The following LRRC37A2 variants were observed in gnomAD, a reference collection of about 807,000 sequenced individuals.
LRRC37A2 encodes the protein leucine rich repeat containing 37 member A2.
LRRC37A2 carries 9 observed loss-of-function variants against 68.8 expected under a neutral mutation model. The ratio of observed to expected loss-of-function variants is 0.13; its 90% CI spans 0.08 to 0.23. The LOEUF (loss-of-function observed/expected upper bound fraction) is 0.23. Ranked by LOEUF, LRRC37A2 falls within the 10% of genes least tolerant of loss-of-function variation. The probability of loss-of-function intolerance (pLI) is 1.00; values close to 1 mark genes in which losing one functional copy is unlikely to be tolerated. For missense variants in LRRC37A2, 168 were observed against 950.4 expected (o/e 0.18, Z 10.82); for synonymous variants, 63 against 367.6 (o/e 0.17, Z 9.48).
the LRRC37A2 span, chr17:46,979,319 C>G: frequency 4.7e-6 from 1 of 213,772 alleles, no homozygotes; most frequent in Non-Finnish European, 9.6e-6. Context: ...CGGCCCGGCC[C>G]CGCCCCGCCG....
chr17:46,790,789 G>A, the LRRC37A2 span, among the ~76,000 whole-genome samples: 1 of 152,196 alleles, frequency 6.6e-6, no homozygotes, highest in Non-Finnish European at 1.5e-5. Flanking sequence ...ACGCCCCTCC[G>A]TTTCCGTCCA....
At chr17:46,769,391 G>A in the LRRC37A2 span, among the ~76,000 whole-genome samples, 10 of 152,152 alleles carry the variant, frequency 6.6e-5, no homozygotes, top group African/African-American at 2.2e-4. Context: ...GGGAAACTGA[G>A]GCTGGGAACT....
At chr17:47,003,835 A>AG in the LRRC37A2 span, among the ~76,000 whole-genome samples, 1 of 151,938 alleles carries the variant, frequency 6.6e-6, no homozygotes. Flanking sequence ...CTTGTCATTT[A>AG]CATTAGGTAT....
the LRRC37A2 span, among the ~76,000 whole-genome samples, chr17:46,693,570 T>TA: frequency 6.8e-6 from 1 of 146,074 alleles, no homozygotes; most frequent in African/African-American, 2.5e-5. Flanking sequence ...CACTGGCCTG[T>TA]AAAAAAGAGA....
the LRRC37A2 span, chr17:46,939,509 GACT>G: frequency 1.0e-6 from 1 of 985,864 alleles, no homozygotes; most frequent in Non-Finnish European, 1.2e-6. Flanking sequence ...AAGGTTCAGA[GACT>G]GTGGCTTGGC....
At chr17:47,020,871 T>C in the LRRC37A2 span, among the ~76,000 whole-genome samples, 8 of 147,932 alleles carry the variant, frequency 5.4e-5, no homozygotes, top group Middle Eastern at 3.6e-3. Context: ...TAAAAGATAA[T>C]GCAGACCATT....
chr17:46,935,841 C>T, the LRRC37A2 span: 1 of 986,230 alleles, frequency 1.0e-6, no homozygotes, highest in South Asian at 4.7e-5. Context: ...GTTTCAGCCT[C>T]TGCCCTTTTC....
the LRRC37A2 span, chr17:46,940,820 CT>C: frequency 6.8e-7 from 1 of 1,468,134 alleles, no homozygotes; most frequent in Non-Finnish European, 9.0e-7. Context: ...CCACCTGCGG[CT>C]GGTGGACAGC....
the LRRC37A2 span, chr17:46,929,487 G>A: frequency 2.6e-6 from 3 of 1,156,650 alleles, no homozygotes; most frequent in Non-Finnish European, 2.6e-6. Flanking sequence ...GATTACTCCT[G>A]TCTCACTCAT....
chr17:46,941,242 G>C, the LRRC37A2 span: 1 of 994,964 alleles, frequency 1.0e-6, no homozygotes, highest in Non-Finnish European at 1.2e-6. Context: ...ACTTCACTGC[G>C]GAGTTCTGTA....
the LRRC37A2 span, among the ~76,000 whole-genome samples, chr17:47,043,572 T>G: frequency 4.6e-5 from 7 of 151,522 alleles, no homozygotes; most frequent in African/African-American, 1.7e-4. Context: ...GACAGGTGAT[T>G]ACATGCAATG....
the LRRC37A2 span, among the ~76,000 whole-genome samples, chr17:46,779,103 A>ACACACACACACACACCCC: frequency 1.5e-4 from 20 of 133,660 alleles, no homozygotes; most frequent in East Asian, 1.0e-3. Context: ...ACACACACAC[A>ACACACACACACACACCCC]CCCCAGCCCA....
At chr17:46,768,407 C>G in the LRRC37A2 span, 6 of 1,613,956 alleles carry the variant, frequency 3.7e-6, no homozygotes, top group Non-Finnish European at 3.4e-6. This position sits in a 1 kb window ranked among gnomAD's most constrained non-coding sequence, Gnocchi z 5.0. Context: ...GGCATTTTTC[C>G]TTCCGCTTCT....
chr17:46,832,233 G>A, the LRRC37A2 span, among the ~76,000 whole-genome samples: 1 of 152,180 alleles, frequency 6.6e-6, no homozygotes, highest in South Asian at 2.1e-4. Flanking sequence ...CTTGGTTCCA[G>A]AACACAAAGC....
the LRRC37A2 span, among the ~76,000 whole-genome samples, chr17:46,901,803 A>AT: frequency 7.8e-3 from 996 of 128,180 alleles, 14 homozygotes; most frequent in East Asian, 0.031. Flanking sequence ...TGGAGCAAGA[A>AT]TTTTTTTTTT....
At chr17:46,819,434 G>C in the LRRC37A2 span, among the ~76,000 whole-genome samples, 3 of 152,168 alleles carry the variant, frequency 2.0e-5, no homozygotes, top group Admixed American at 2.0e-4. The surrounding 1 kb of genome is among the most constrained non-coding windows in gnomAD (Gnocchi z 5.3). Flanking sequence ...GCGGCCAGTC[G>C]CATTTCCTGC....
the LRRC37A2 span, among the ~76,000 whole-genome samples, chr17:46,609,827 CTTTTT>C: frequency 8.1e-6 from 1 of 123,328 alleles, no homozygotes; most frequent in African/African-American, 3.0e-5. Context: ...CTCACTGTTT[CTTTTT>C]TTTTTTTTTT....
chr17:46,612,210 A>C, the LRRC37A2 span, among the ~76,000 whole-genome samples: 2 of 107,414 alleles, frequency 1.9e-5, no homozygotes, highest in Non-Finnish European at 3.7e-5. Context: ...GGATGGTCAT[A>C]CTTTTTTTTT....
chr17:46,863,079 G>C, the LRRC37A2 span, among the ~76,000 whole-genome samples: 7 of 152,008 alleles, frequency 4.6e-5, no homozygotes, highest in South Asian at 2.1e-4. Flanking sequence ...CTGGCACTGG[G>C]GAGAGCATAC....
Sources: allele counts gnomAD v4.1 joint callset (sites outside exome capture counted in the v4.1 genomes callset), GRCh38; gene constraint gnomAD v4.1.1; non-coding constraint Gnocchi (gnomAD v3.1); transcripts MANE v1.5; gene names NCBI Gene and HGNC (gene_info 2026-07-23, HGNC 2026-07-21).